NAALADL2: variants seen among roughly 807,000 people sequenced by gnomAD.
The protein encoded by NAALADL2 is N-acetylated alpha-linked acidic dipeptidase like 2.
A neutral mutation model predicts 87.2 loss-of-function variants in NAALADL2; 76 were observed. The ratio of observed to expected loss-of-function variants is 0.87; its 90% confidence interval spans 0.72 to 1.05. The LOEUF (loss-of-function observed/expected upper bound fraction) is 1.05, where lower values mean the gene tolerates loss of function less well. Among genes scored for constraint, NAALADL2 ranks in the 50% least tolerant of loss-of-function variants. The pLI, the probability that NAALADL2 is intolerant of heterozygous loss-of-function variation, is 0.00. For missense variants in NAALADL2, 1,089 were observed against 945.8 expected, an observed-to-expected ratio of 1.15 and a Z score of -1.99; for synonymous variants, 354 against 331.0, an observed-to-expected ratio of 1.07 and a Z score of -0.75.
At chr3:174,876,638 G>A (rs559641929) in intron 1 of NAALADL2, among the ~76,000 whole-genome samples, 6 of 152,090 alleles carry the variant, frequency 3.9e-5, no homozygotes, top group South Asian at 4.2e-4. Flanking sequence ...CCTCATTTAC[G>A]AGGTACCACC....
chr3:174,480,445 T>C (rs1041276139), intron 1 of NAALADL2, among the ~76,000 whole-genome samples: 2 of 152,098 alleles, frequency 1.3e-5, no homozygotes, highest in African/African-American at 4.8e-5. Context: ...AAAAGGCTAC[T>C]CTTTCTTCCT....
chr3:174,568,324 G>A (rs1396735617), intron 2 of NAALADL2, among the ~76,000 whole-genome samples: 6 of 151,768 alleles, frequency 4.0e-5, no homozygotes, highest in African/African-American at 1.2e-4. Flanking sequence ...GTAAAAGAAA[G>A]TTTTGTTAGT....
intron 2 of NAALADL2, among the ~76,000 whole-genome samples, chr3:174,724,520 A>C (rs1271022074): frequency 6.6e-6 from 1 of 152,138 alleles, no homozygotes; most frequent in Non-Finnish European, 1.5e-5. Context: ...ATAGGGAAAT[A>C]AGAGACTGGA....
chr3:175,174,049 T>C (rs1735296373), intron 2 of NAALADL2, among the ~76,000 whole-genome samples: 1 of 152,148 alleles, frequency 6.6e-6, no homozygotes, highest in Admixed American at 6.6e-5. Context: ...CCCTCAATCA[T>C]CCTTAAAAAC....
intron 13 of NAALADL2, among the ~76,000 whole-genome samples, chr3:175,777,741 T>C (rs758899283): frequency 3.3e-5 from 5 of 152,154 alleles, no homozygotes; most frequent in Non-Finnish European, 5.9e-5. Flanking sequence ...CTCTGAACTG[T>C]GTTAAATTAG....
intron 3 of NAALADL2, among the ~76,000 whole-genome samples, chr3:174,774,722 A>G (rs375273314): frequency 3.9e-5 from 6 of 152,224 alleles, no homozygotes; most frequent in African/African-American, 1.4e-4. Context: ...TTGCAGGTAC[A>G]TACTTACATA....
chr3:175,133,720 G>A (rs1284610141), intron 2 of NAALADL2, among the ~76,000 whole-genome samples: 1 of 152,060 alleles, frequency 6.6e-6, no homozygotes, highest in Non-Finnish European at 1.5e-5. Context: ...TGGAAAGAGA[G>A]GGAGAGGGAG....
chr3:174,638,239 TAATTATGGA>T, intron 2 of NAALADL2, among the ~76,000 whole-genome samples: 1 of 152,316 alleles, frequency 6.6e-6, no homozygotes, highest in African/African-American at 2.4e-5. Context: ...ATTCAGTAGG[TAATTATGGA>T]GAATCTAGTT....
At chr3:174,472,148 G>T (rs1156423193) in intron 1 of NAALADL2, among the ~76,000 whole-genome samples, 1 of 152,128 alleles carries the variant, frequency 6.6e-6, no homozygotes, top group East Asian at 1.9e-4. Context: ...GTTATAATTT[G>T]TCTAGGACTG....
intron 10 of NAALADL2, among the ~76,000 whole-genome samples, chr3:175,623,957 A>T (rs1391323759): frequency 6.8e-6 from 1 of 146,032 alleles, no homozygotes; most frequent in East Asian, 2.0e-4. Context: ...AAAAAAAAAT[A>T]CACAGGGAAT....
intron 2 of NAALADL2, among the ~76,000 whole-genome samples, chr3:175,180,662 A>G (rs1485037228): frequency 6.9e-6 from 1 of 144,368 alleles, no homozygotes; most frequent in Admixed American, 7.2e-5. Context: ...AGGACTTACA[A>G]CATTTCTTCC....
At chr3:175,718,322 G>C in intron 11 of NAALADL2, 1 of 1,573,266 alleles carries the variant, frequency 6.4e-7, no homozygotes, top group Non-Finnish European at 8.7e-7. Flanking sequence ...CAACTTTGAT[G>C]CTATATGAAT....
At chr3:175,246,151 TAGAA>T (rs1747934131) in intron 3 of NAALADL2, among the ~76,000 whole-genome samples, 2 of 152,196 alleles carry the variant, frequency 1.3e-5, no homozygotes, top group African/African-American at 2.4e-5. Context: ...TAATGATTTT[TAGAA>T]AGAAAGAAGG....
At chr3:174,833,022 C>T (rs1351381522) in intron 3 of NAALADL2, among the ~76,000 whole-genome samples, 5 of 152,164 alleles carry the variant, frequency 3.3e-5, no homozygotes, top group Admixed American at 2.0e-4. Context: ...ACTTCTGTAT[C>T]TACCCATTCT....
At chr3:175,405,284 T>A (rs1712108520) in intron 5 of NAALADL2, among the ~76,000 whole-genome samples, 1 of 152,150 alleles carries the variant, frequency 6.6e-6, no homozygotes, top group East Asian at 1.9e-4. Context: ...CTCTTATAAT[T>A]CAACATAATA....
chr3:175,378,092 C>G (rs1209738242), intron 5 of NAALADL2, among the ~76,000 whole-genome samples: 1 of 152,214 alleles, frequency 6.6e-6, no homozygotes, highest in Non-Finnish European at 1.5e-5. Flanking sequence ...GCTAAAGGAG[C>G]ACTGTAACAC....
intron 2 of NAALADL2, among the ~76,000 whole-genome samples, chr3:175,152,653 C>G (rs941962496): frequency 2.6e-5 from 4 of 152,114 alleles, no homozygotes; most frequent in African/African-American, 9.7e-5. Context: ...TGCCAGTAAT[C>G]CCAGCACTTT....
chr3:174,577,585 G>T (rs1715672864), intron 2 of NAALADL2, among the ~76,000 whole-genome samples: 1 of 152,118 alleles, frequency 6.6e-6, no homozygotes, highest in African/African-American at 2.4e-5. Context: ...ACTTTGCAGA[G>T]ATTTTAACTG....
chr3:174,743,819 T>G (rs1733989445), intron 3 of NAALADL2, among the ~76,000 whole-genome samples: 1 of 151,882 alleles, frequency 6.6e-6, no homozygotes, highest in Admixed American at 6.6e-5. Context: ...TTTTTTTCAT[T>G]TATATAAATT....
Sources: allele counts gnomAD v4.1 joint callset (sites outside exome capture counted in the v4.1 genomes callset), GRCh38; gene constraint gnomAD v4.1.1; transcripts MANE v1.5; gene names NCBI Gene and HGNC (gene_info 2026-07-23, HGNC 2026-07-21).